Variants in DCC observed in about 807,000 individuals in gnomAD.
DCC encodes netrin receptor DCC.
In DCC, 58 loss-of-function variants were observed where a neutral mutation model predicts 172.5. The ratio of observed to expected loss-of-function variants is 0.34; its 90% CI spans 0.27 to 0.42. The LOEUF (loss-of-function observed/expected upper bound fraction) is 0.42, where lower values mean the gene tolerates loss of function less well. DCC is among the 10% of genes least tolerant of loss of function. The probability of loss-of-function intolerance (pLI) is 1.00; values close to 1 mark genes in which losing one functional copy is unlikely to be tolerated. For synonymous variants in DCC, 709 were observed against 644.5 expected (o/e 1.10, Z -1.52); for missense variants, 1,740 against 1,791.0 (o/e 0.97, Z 0.51).
intron 5 of DCC, among the ~76,000 whole-genome samples, chr18:52,926,072 T>A (rs1332130358): frequency 6.6e-6 from 1 of 151,896 alleles, no homozygotes. Context: ...TGCCTTAACA[T>A]TTGGATTTCA....
At chr18:53,096,065 T>A (rs1245300151) in intron 7 of DCC, among the ~76,000 whole-genome samples, 3 of 152,014 alleles carry the variant, frequency 2.0e-5, no homozygotes, top group African/African-American at 7.3e-5. Context: ...AAATGACAAG[T>A]TAATGGGTGC....
chr18:52,541,875 G>GTGTGTATA (rs1555695194), intron 1 of DCC, among the ~76,000 whole-genome samples: 1 of 115,202 alleles, frequency 8.7e-6, no homozygotes, highest in Non-Finnish European at 1.8e-5. Flanking sequence ...GTGTGTGTGT[G>GTGTGTATA]TATATATATA....
At chr18:52,710,596 T>A (rs1019797716) in intron 1 of DCC, among the ~76,000 whole-genome samples, 3 of 152,218 alleles carry the variant, frequency 2.0e-5, no homozygotes, top group African/African-American at 7.2e-5. Flanking sequence ...GTCCTTCTGG[T>A]TGATGGGATT....
intron 2 of DCC, among the ~76,000 whole-genome samples, chr18:52,797,923 G>C (rs376393411): frequency 3.3e-5 from 5 of 151,736 alleles, no homozygotes; most frequent in African/African-American, 1.2e-4. Flanking sequence ...AGTTGCAGTG[G>C]TGTGTGAGGC....
At chr18:52,892,857 C>G (rs1265343718) in intron 2 of DCC, among the ~76,000 whole-genome samples, 1 of 151,978 alleles carries the variant, frequency 6.6e-6, no homozygotes, top group African/African-American at 2.4e-5. Flanking sequence ...TTTATTAGCT[C>G]CAATTTTCCC....
At chr18:53,515,466 A>C (rs2046322007) in intron 27 of DCC, among the ~76,000 whole-genome samples, 1 of 150,282 alleles carries the variant, frequency 6.7e-6, no homozygotes, top group South Asian at 2.2e-4. Context: ...AGGCAGGAGA[A>C]GGAAATAAAG....
chr18:52,839,823 G>A (rs2038773050), intron 2 of DCC, among the ~76,000 whole-genome samples: 2 of 152,198 alleles, frequency 1.3e-5, no homozygotes, highest in South Asian at 4.1e-4. Context: ...AAATAAAATA[G>A]GTAGACAAAG....
Position 53,013,543 on chromosome 18 carries a change from G to A in DCC, c.986-49762G>A, listed in dbSNP as rs2041761966. 4.6e-5 allele frequency among the ~76,000 whole-genome samples: 7 copies of A among 151,988 alleles called. No homozygotes were observed. The South Asian group carries it at 1.2e-3, about 27-fold the overall frequency. On this transcript the variant is annotated intron_variant, in intron 5 of 28. Coordinates refer to ENST00000442544, the MANE Select transcript of DCC (RefSeq NM_005215.4). ...CATCACACAACAGGGCATTATCGGG[G>A]GGTGGGGAGTGAGGGGAGTGAGAGC...
chr18:52,750,851 A>G (rs1194006779), intron 1 of DCC, among the ~76,000 whole-genome samples: 1 of 152,188 alleles, frequency 6.6e-6, no homozygotes, highest in African/African-American at 2.4e-5. Flanking sequence ...AAGTGTTCCC[A>G]TTACAGAAAA....
intron 5 of DCC, among the ~76,000 whole-genome samples, chr18:53,053,748 G>A (rs752130269): frequency 3.9e-5 from 6 of 152,034 alleles, no homozygotes; most frequent in Non-Finnish European, 7.4e-5. Flanking sequence ...GCATTGTTTG[G>A]GAACAGGATA....
In DCC at chr18:53,481,817, A is replaced by G. The variant is rs190595969; in HGVS notation, c.3737-4980A>G. Among the ~76,000 whole-genome samples the G allele has an allele frequency of 4.1e-3, 621 of 152,300 alleles. 5 individuals carry two copies. The highest frequency in any genetic ancestry group is 0.014 in the Middle Eastern group (4 of 294). ...TAGAATATTATGGAAGTTTTCAAAT[A>G]CCAATGTGCCTTGTTCAGGGAGCTA... On this transcript the variant is annotated intron_variant, in intron 25 of 28. Transcript: ENST00000442544.
intron 17 of DCC, among the ~76,000 whole-genome samples, chr18:53,392,555 T>C (rs1231725188): frequency 6.6e-6 from 1 of 152,214 alleles, no homozygotes; most frequent in East Asian, 1.9e-4. Flanking sequence ...TTCAAATCTC[T>C]ATCAACCAGC....
chr18:53,290,530 T>C (rs1185344324), intron 12 of DCC, among the ~76,000 whole-genome samples: 1 of 152,196 alleles, frequency 6.6e-6, no homozygotes, highest in Non-Finnish European at 1.5e-5. Flanking sequence ...GTCTTTGAGA[T>C]GGCTGCTCTG....
intron 12 of DCC, among the ~76,000 whole-genome samples, chr18:53,229,923 T>C (rs6508211): frequency 0.57 from 87,062 of 152,132 alleles, 26,307 homozygotes; most frequent in African/African-American, 0.73. Context: ...TAAGCCTTTA[T>C]TTTCTTCCAA....
At chr18:53,499,608 C>G in intron 27 of DCC, 98 bp downstream of exon 27, 1 of 974,830 alleles carries the variant, frequency 1.0e-6, no homozygotes, top group South Asian at 1.3e-5. Flanking sequence ...TGTCATATAT[C>G]TTTTCAATGC....
chr18:52,880,609 G>A (rs2039470777), intron 2 of DCC, among the ~76,000 whole-genome samples: 2 of 152,130 alleles, frequency 1.3e-5, no homozygotes, highest in Non-Finnish European at 2.9e-5. Flanking sequence ...TAGAATATGT[G>A]AAGTTTGTAT....
intron 18 of DCC, among the ~76,000 whole-genome samples, chr18:53,400,024 C>G (rs16956672): frequency 0.66 from 100,616 of 151,734 alleles, 36,607 homozygotes; most frequent in Non-Finnish European, 0.82. Context: ...CCTTGAGATA[C>G]GAACTTGGTA....
At chr18:53,482,320 C>A (rs1222726966) in intron 25 of DCC, among the ~76,000 whole-genome samples, 1 of 152,060 alleles carries the variant, frequency 6.6e-6, no homozygotes, top group African/African-American at 2.4e-5. Flanking sequence ...GATGCAGAAA[C>A]ATACAACAGA....
chr18:52,613,991 G>A (rs965021458), intron 1 of DCC, among the ~76,000 whole-genome samples: 4 of 152,090 alleles, frequency 2.6e-5, no homozygotes, highest in East Asian at 1.9e-4. Flanking sequence ...TGTTTGTGCC[G>A]GGATGTTAAG....
Sources: allele counts gnomAD v4.1 joint callset (sites outside exome capture counted in the v4.1 genomes callset), GRCh38; gene constraint gnomAD v4.1.1; transcripts MANE v1.5; gene names NCBI Gene and HGNC (gene_info 2026-07-23, HGNC 2026-07-21).